CPNE4: variants seen among roughly 807,000 people sequenced by gnomAD.
The protein encoded by CPNE4 is copine-4.
Under a neutral mutation model 67.9 loss-of-function variants are expected in CPNE4, and 25 were observed. The observed-to-expected ratio is 0.37, with a 90% CI of 0.27 to 0.51. The LOEUF (loss-of-function observed/expected upper bound fraction) is 0.51. Among genes scored for constraint, CPNE4 ranks in the 20% least tolerant of loss-of-function variants. The pLI, the probability that CPNE4 is intolerant of heterozygous loss-of-function variation, is 0.93. For synonymous variants in CPNE4, 242 were observed against 244.9 expected (o/e 0.99, Z 0.11); for missense variants, 464 against 690.8 (o/e 0.67, Z 3.68).
At chr3:131,743,005 G>T (rs1423168739) in intron 2 of CPNE4, among the ~76,000 whole-genome samples, 1 of 151,992 alleles carries the variant, frequency 6.6e-6, no homozygotes, top group East Asian at 1.9e-4. Flanking sequence ...AAAGATAAAG[G>T]TGTACATCAA....
chr3:131,701,275 C>T (rs554271583), intron 3 of CPNE4, among the ~76,000 whole-genome samples: 30 of 152,106 alleles, frequency 2.0e-4, no homozygotes, highest in Non-Finnish European at 2.4e-4. Flanking sequence ...GTTGAAGCTA[C>T]ACTCATGCTT....
At chr3:131,905,242 C>A in intron 2 of CPNE4, 22 bp downstream of exon 2, 1 of 1,596,340 alleles carries the variant, frequency 6.3e-7, no homozygotes, top group South Asian at 1.1e-5. Flanking sequence ...ATGGTTCTGT[C>A]CATTTCATTG....
intron 2 of CPNE4, among the ~76,000 whole-genome samples, chr3:131,803,415 A>C (rs1037032079): frequency 6.6e-5 from 10 of 152,228 alleles, no homozygotes; most frequent in African/African-American, 2.4e-4. Context: ...AGCAAAAGGA[A>C]GTTTTGCTGC....
intron 6 of CPNE4, among the ~76,000 whole-genome samples, chr3:131,679,765 G>A (rs9866585): frequency 6.6e-6 from 1 of 152,120 alleles, no homozygotes; most frequent in Non-Finnish European, 1.5e-5. Context: ...TCTTGAGTTC[G>A]GATTTGATTG....
intron 2 of CPNE4, among the ~76,000 whole-genome samples, chr3:131,829,848 G>T (rs1019264476): frequency 6.6e-6 from 1 of 152,166 alleles, no homozygotes; most frequent in Admixed American, 6.5e-5. Flanking sequence ...TTTACTAGCA[G>T]AACACCGAGT....
chr3:131,845,692 GTTGA>G (rs1183077543), intron 2 of CPNE4, among the ~76,000 whole-genome samples: 21 of 152,078 alleles, frequency 1.4e-4, no homozygotes, highest in Non-Finnish European at 2.6e-4. Context: ...TAATAAACAT[GTTGA>G]TTGATTGATT....
chr3:131,608,331 G>A (rs999180539), intron 7 of CPNE4, among the ~76,000 whole-genome samples: 4 of 152,108 alleles, frequency 2.6e-5, no homozygotes, highest in South Asian at 2.1e-4. Context: ...TGTGGAGTAC[G>A]GTGGGTTTGG....
At chr3:131,605,414 G>T (rs1006543243) in intron 7 of CPNE4, among the ~76,000 whole-genome samples, 1 of 152,006 alleles carries the variant, frequency 6.6e-6, no homozygotes, top group Non-Finnish European at 1.5e-5. Flanking sequence ...GTAGTCTCCA[G>T]TGTGTATTGT....
rs2080928100 is a variant in CPNE4, at chr3:131,687,726, G to T, written c.508-1768C>A. Among the ~76,000 whole-genome samples the T allele has an allele frequency of 2.0e-5, 3 of 152,152 alleles. No homozygotes were observed. In the South Asian group the frequency reaches 6.2e-4, roughly 32 times the overall value. On this transcript the variant is annotated intron_variant, in intron 5 of 15. Coordinates refer to ENST00000429747, the MANE Select transcript of CPNE4 (RefSeq NM_130808.3). The stretch of plus-strand genomic sequence containing the variant: ...CATATACTGATCACAGAGTTTTTGT[G>T]CTTGATGTTAAGATATAAGGACAGA...
In CPNE4 at chr3:131,952,831, C is replaced by T. The variant is rs536126778; in HGVS notation, c.-1-47387G>A. Among the ~76,000 whole-genome samples the T allele has an allele frequency of 4.6e-5, 7 of 152,280 alleles. No individual in the cohort carries two copies. The East Asian group carries it at 1.2e-3, about 25-fold the overall frequency. ...AAAGGTGGGGAAAAGATTGAGAAAT[C>T]GGATGGTTGCCCTGTCTGTGTAGAA... On this transcript the variant is annotated intron_variant, in intron 1 of 15. Coordinates refer to ENST00000429747, the MANE Select transcript of CPNE4 (RefSeq NM_130808.3).
intron 7 of CPNE4, among the ~76,000 whole-genome samples, chr3:131,643,062 A>ACTTGTT (rs137995018): frequency 0.064 from 9,752 of 152,212 alleles, 442 homozygotes; most frequent in Admixed American, 0.15. Context: ...CTTCCTAGAG[A>ACTTGTT]CTTGTTGAAT....
At chr3:131,822,827 C>T (rs1429688726) in intron 2 of CPNE4, among the ~76,000 whole-genome samples, 1 of 151,964 alleles carries the variant, frequency 6.6e-6, no homozygotes, top group Non-Finnish European at 1.5e-5. Context: ...CACTTCTTTC[C>T]TTTTTATTTT....
intron 1 of CPNE4, among the ~76,000 whole-genome samples, chr3:131,967,988 T>C (rs11720970): frequency 0.36 from 54,631 of 151,994 alleles, 10,257 homozygotes; most frequent in Middle Eastern, 0.43. Context: ...CAAAACAGCA[T>C]GGTAATGGTA....
rs550181661 is a variant in CPNE4, at chr3:131,735,218, G to T, written c.181-11593C>A. 8.5e-5 allele frequency among the ~76,000 whole-genome samples: 13 copies of T among 152,280 alleles called. No homozygotes were observed. In the South Asian group the frequency reaches 1.7e-3, roughly 19 times the overall value. ...ACCCTATGGAACTAGGCCATGCCAG[G>T]AAATGAGTTAGCCCAGGAACCCTAC... On this transcript the variant is annotated intron_variant, in intron 2 of 15. Coordinates refer to ENST00000429747, the MANE Select transcript of CPNE4 (RefSeq NM_130808.3).
At chr3:131,544,127 T>C (rs1935679003) in intron 14 of CPNE4, among the ~76,000 whole-genome samples, 1 of 152,242 alleles carries the variant, frequency 6.6e-6, no homozygotes, top group Non-Finnish European at 1.5e-5. Flanking sequence ...ATTAGTCAGA[T>C]GCAGCTCAGG....
chr3:131,996,011 G>A (rs1292541394), intron 1 of CPNE4, among the ~76,000 whole-genome samples: 1 of 152,126 alleles, frequency 6.6e-6, no homozygotes, highest in Non-Finnish European at 1.5e-5. Flanking sequence ...ATTTAGAAGT[G>A]TCATTCCTGT....
At chr3:131,733,840 T>C (rs771953542) in intron 2 of CPNE4, among the ~76,000 whole-genome samples, 3 of 152,200 alleles carry the variant, frequency 2.0e-5, no homozygotes, top group Non-Finnish European at 4.4e-5. Flanking sequence ...TGGAGAGCCT[T>C]GGTTTTCTTA....
At chr3:131,619,648 C>T (rs1017632767) in intron 7 of CPNE4, among the ~76,000 whole-genome samples, 4 of 152,060 alleles carry the variant, frequency 2.6e-5, no homozygotes, top group Admixed American at 6.6e-5. Flanking sequence ...TTTCTAAGCC[C>T]GTCCTATTTC....
chr3:131,541,845 AT>A (rs1935514659), intron 15 of CPNE4, among the ~76,000 whole-genome samples: 1 of 151,680 alleles, frequency 6.6e-6, no homozygotes, highest in Non-Finnish European at 1.5e-5. Context: ...TAATTTTTGT[AT>A]TTTTAGTAGA....
Sources: allele counts gnomAD v4.1 joint callset (sites outside exome capture counted in the v4.1 genomes callset), GRCh38; gene constraint gnomAD v4.1.1; transcripts MANE v1.5; gene names NCBI Gene and HGNC (gene_info 2026-07-23, HGNC 2026-07-21).